Variants in LUZP2 observed in about 807,000 individuals in gnomAD.
LUZP2 encodes the protein leucine zipper protein 2.
Under a neutral mutation model 51.6 loss-of-function variants are expected in LUZP2, and 52 were observed. That is an observed-to-expected ratio of 1.01 (90% CI 0.81 to 1.27). The LOEUF (loss-of-function observed/expected upper bound fraction) is 1.27, where lower values mean the gene tolerates loss of function less well. Among genes scored for constraint, LUZP2 ranks in the 50% most tolerant of loss-of-function variants. The pLI is 0.00. For missense variants in LUZP2, 436 were observed against 395.4 expected (o/e 1.10, Z -0.87); for synonymous variants, 154 against 137.3 (o/e 1.12, Z -0.85).
At chr11:24,525,180 T>C (rs1050630226) in intron 1 of LUZP2, among the ~76,000 whole-genome samples, 1 of 151,668 alleles carries the variant, frequency 6.6e-6, no homozygotes, top group Non-Finnish European at 1.5e-5. Context: ...TCCTGCTCAG[T>C]CTGAAACACT....
chr11:24,848,142 G>GATATGATATGATATGATATGAT (rs1851262123), intron 5 of LUZP2, among the ~76,000 whole-genome samples: 1 of 151,770 alleles, frequency 6.6e-6, no homozygotes, highest in African/African-American at 2.4e-5. Context: ...ATATATGATT[G>GATATGATATGATATGATATGAT]ATATGATATG....
chr11:24,914,069 A>C (rs946794251), intron 6 of LUZP2, among the ~76,000 whole-genome samples: 1 of 152,150 alleles, frequency 6.6e-6, no homozygotes, highest in African/African-American at 2.4e-5. Context: ...GACATATGTC[A>C]AATTCAAATT....
At chr11:24,768,160 G>GTC (rs1292589517) in intron 5 of LUZP2, among the ~76,000 whole-genome samples, 5 of 151,890 alleles carry the variant, frequency 3.3e-5, no homozygotes, top group Admixed American at 3.3e-4. Flanking sequence ...TTGATACAGG[G>GTC]TCTCACTCTG....
intron 5 of LUZP2, among the ~76,000 whole-genome samples, chr11:24,819,037 G>A (rs896003520): frequency 6.6e-6 from 1 of 152,020 alleles, no homozygotes; most frequent in African/African-American, 2.4e-5. Context: ...ATGATATTTT[G>A]TTTAAAAGTA....
intron 1 of LUZP2, among the ~76,000 whole-genome samples, chr11:24,615,970 T>C (rs573189501): frequency 6.6e-6 from 1 of 151,762 alleles, no homozygotes; most frequent in South Asian, 2.1e-4. Context: ...ACAAGTGAAG[T>C]GTCTTTTTGG....
intron 5 of LUZP2, among the ~76,000 whole-genome samples, chr11:24,853,950 C>G (rs907776402): frequency 2.6e-5 from 4 of 152,162 alleles, no homozygotes; most frequent in Admixed American, 1.3e-4. Flanking sequence ...CCAGTGGAGG[C>G]TGTAGAACAG....
intron 4 of LUZP2, among the ~76,000 whole-genome samples, chr11:24,741,945 ACATT>A (rs1394776205): frequency 0.11 from 14,408 of 132,678 alleles, 1,126 homozygotes; most frequent in Non-Finnish European, 0.16. Flanking sequence ...ATAAATATAT[ACATT>A]TATATATTAT....
intron 1 of LUZP2, among the ~76,000 whole-genome samples, chr11:24,535,579 A>C (rs10834370): frequency 0.42 from 63,630 of 151,344 alleles, 13,908 homozygotes; most frequent in African/African-American, 0.52. Flanking sequence ...TCATTCATTC[A>C]AATTTTATCA....
intron 5 of LUZP2, among the ~76,000 whole-genome samples, chr11:24,879,046 A>C (rs1852368363): frequency 6.6e-6 from 1 of 152,044 alleles, no homozygotes; most frequent in Non-Finnish European, 1.5e-5. Flanking sequence ...AGCTCACTGC[A>C]AGCTCCGGCT....
Position 24,774,379 on chromosome 11 carries a change from T to TAC in LUZP2, c.396+11072_396+11073insCA, listed in dbSNP as rs1433049185. Among the ~76,000 whole-genome samples, 165 of 106,432 alleles carry TAC rather than the reference T, an allele frequency of 1.6e-3. 4 individuals are homozygous for TAC. Among genetic ancestry groups the TAC allele is most frequent in the African/African-American group, 4.8e-3 (120 of 24,816 alleles). The allele number at this position is 106,432 out of a possible 152,430, so 69.8% of individuals were successfully genotyped here. ...CTCTCTCTCTATATATATATATATA[T>TAC]ATACATACACACACACATATTTATA... is the stretch of plus-strand genomic sequence containing the variant. On this transcript the variant is annotated intron_variant, in intron 5 of 11. Coordinates refer to ENST00000336930, the MANE Select transcript of LUZP2 (RefSeq NM_001009909.4).
chr11:24,578,150 GCTTA>G (rs68141952), intron 1 of LUZP2, among the ~76,000 whole-genome samples: 26,662 of 151,830 alleles, frequency 0.18, 2,755 homozygotes, highest in Middle Eastern at 0.34. Flanking sequence ...AGCTTTTTCA[GCTTA>G]CTTTTTAATT....
At chr11:24,786,520 TTTGTATATAC>T in intron 5 of LUZP2, 1 of 865,644 alleles carries the variant, frequency 1.2e-6, no homozygotes, top group Non-Finnish European at 1.4e-6. Flanking sequence ...TATGTGTATA[TTTGTATATAC>T]ACAAATATAT....
At chr11:24,990,599 GAA>G (rs1441853654) in intron 9 of LUZP2, among the ~76,000 whole-genome samples, 1 of 151,852 alleles carries the variant, frequency 6.6e-6, no homozygotes, top group Admixed American at 6.6e-5. Flanking sequence ...TAATCCTAAG[GAA>G]AAATTACAAA....
rs1353814177 is a variant in LUZP2, at chr11:24,893,107, A to G, written c.397-12884A>G. The G allele has an allele frequency of 2.6e-5, 4 of 152,232 alleles. No homozygotes were observed. The South Asian group carries it at 6.2e-4, about 24-fold the overall frequency. 9.4% of individuals were successfully genotyped at this position (152,232 alleles called of 1,614,324 possible). A position where few individuals can be genotyped will look rare whatever the true frequency, so the allele number is the denominator to read the frequency against. ...ATGTTCAGCTTTTGTCAAATGAAGC[A>G]ATAGTCACAATAATGTCACAGAGAC... On this transcript the variant is annotated intron_variant, in intron 5 of 11. Transcript: ENST00000336930.
chr11:25,033,220 A>G (rs892068828), intron 9 of LUZP2, among the ~76,000 whole-genome samples: 2 of 152,188 alleles, frequency 1.3e-5, no homozygotes, highest in Non-Finnish European at 2.9e-5. Flanking sequence ...AATAAGGAAC[A>G]CAGAAATAGG....
At chr11:24,694,866 A>G (rs1399632126) in intron 1 of LUZP2, among the ~76,000 whole-genome samples, 1 of 151,820 alleles carries the variant, frequency 6.6e-6, no homozygotes, top group Non-Finnish European at 1.5e-5. Context: ...TGGGAGTTGA[A>G]CAATGAGAAT....
At chr11:24,985,482 C>T (rs2133918335) in intron 9 of LUZP2, among the ~76,000 whole-genome samples, 1 of 151,818 alleles carries the variant, frequency 6.6e-6, no homozygotes, top group South Asian at 2.1e-4. Flanking sequence ...GACCCCAACT[C>T]CCAAACTAAA....
intron 1 of LUZP2, among the ~76,000 whole-genome samples, chr11:24,577,400 T>A (rs952267392): frequency 6.6e-6 from 1 of 152,102 alleles, no homozygotes; most frequent in Non-Finnish European, 1.5e-5. Flanking sequence ...GAAAAAACAG[T>A]CCTTTCAAGC....
intron 5 of LUZP2, among the ~76,000 whole-genome samples, chr11:24,865,710 GTATA>G (rs373154788): frequency 7.7e-4 from 51 of 65,898 alleles, no homozygotes; most frequent in Non-Finnish European, 1.1e-3. Context: ...ATATGTTTGT[GTATA>G]TATATATATA....
Sources: allele counts gnomAD v4.1 joint callset (sites outside exome capture counted in the v4.1 genomes callset), GRCh38; gene constraint gnomAD v4.1.1; transcripts MANE v1.5; gene names NCBI Gene and HGNC (gene_info 2026-07-23, HGNC 2026-07-21).